The following FGF13 variants were observed in gnomAD, a reference collection of about 807,000 sequenced individuals.
FGF13 encodes the protein fibroblast growth factor 13.
FGF13 carries 2 observed loss-of-function variants against 19.5 expected under a neutral mutation model. That is an observed-to-expected ratio of 0.10 (90% CI 0.04 to 0.32). FGF13 has a LOEUF of 0.32. Ranked by LOEUF, FGF13 falls within the 10% of genes least tolerant of loss-of-function variation. FGF13 has a pLI of 1.00. For synonymous variants in FGF13, 72 were observed against 76.9 expected (o/e 0.94, Z 0.33); for missense variants, 113 against 192.7 (o/e 0.59, Z 2.45).
chrX:138,898,682 T>C (rs2124206200), intron 1 of FGF13, among the ~76,000 whole-genome samples: 1 of 111,666 alleles, frequency 9.0e-6, no homozygotes, highest in South Asian at 3.8e-4. Context: ...CCAAGTTTGT[T>C]GGGAAGGGGG....
At chrX:139,204,208 G>T, upstream of FGF13, 1 of 785,765 alleles carries the variant, frequency 1.3e-6, no homozygotes. Flanking sequence ...TCGACCACGA[G>T]CTCCCCTCGG....
chrX:138,991,462 C>T (rs2092015399), intron 1 of FGF13, among the ~76,000 whole-genome samples: 1 of 111,941 alleles, frequency 8.9e-6, no homozygotes, highest in Non-Finnish European at 1.9e-5. Context: ...AAGTCATTGC[C>T]CCTCTCTGGG....
intron 1 of FGF13, among the ~76,000 whole-genome samples, chrX:139,203,109 T>TC (rs2084429103): frequency 1.8e-5 from 2 of 111,360 alleles, no homozygotes; most frequent in South Asian, 7.5e-4. Context: ...CGGCAAAGGG[T>TC]GGGGGGGCGT....
At chrX:138,928,261 T>TTTAA (rs2091684061) in intron 1 of FGF13, among the ~76,000 whole-genome samples, 1 of 110,473 alleles carries the variant, frequency 9.1e-6, no homozygotes, top group Non-Finnish European at 1.9e-5. Flanking sequence ...GAGCAAATAT[T>TTTAA]TTAATTTATA....
chrX:139,010,764 T>TC (rs2092124746), intron 1 of FGF13, among the ~76,000 whole-genome samples: 1 of 105,874 alleles, frequency 9.4e-6, no homozygotes, highest in African/African-American at 3.5e-5. Flanking sequence ...ACAAGAACAA[T>TC]CCAAACCCAA....
In FGF13 at chrX:138,942,878, T is replaced by C. The variant is rs1433056332; in HGVS notation, c.-112-78228A>G. Among the ~76,000 whole-genome samples the C allele has an allele frequency of 3.6e-5, 4 of 111,701 alleles. No homozygotes were observed. The Admixed American group carries it at 3.8e-4, about 11-fold the overall frequency. ...TTTTGTTTGTTTGTTTGTTTTGCCA[T>C]TTAACACATAACTTCTCATCTTAGA... On this transcript the variant is annotated intron_variant, in intron 1 of 2. Transcript: ENST00000421460.
At chrX:138,996,344 C>T (rs764497270) in intron 1 of FGF13, among the ~76,000 whole-genome samples, 15 of 112,701 alleles carry the variant, frequency 1.3e-4, no homozygotes, top group East Asian at 5.7e-4. Flanking sequence ...GCTTTTCCCA[C>T]GGTCTTTGCA....
chrX:138,749,316 C>T (rs1231520418), intron 3 of FGF13, among the ~76,000 whole-genome samples: 1 of 85,525 alleles, frequency 1.2e-5, no homozygotes, highest in Admixed American at 1.4e-4. Flanking sequence ...GGGGGAGAGA[C>T]CAAAATACAC....
intron 1 of FGF13, among the ~76,000 whole-genome samples, chrX:138,727,367 C>A (rs755190285): frequency 1.8e-5 from 2 of 110,217 alleles, no homozygotes; most frequent in African/African-American, 3.3e-5. Context: ...ATCTGTAGAT[C>A]TCTTCAACAA....
chrX:139,204,018 C>T (rs895538919), upstream of FGF13: 1 of 1,195,231 alleles, frequency 8.4e-7, no homozygotes, highest in African/African-American at 1.7e-5. Context: ...GCGAGGGAAA[C>T]GAAGGAAAGG....
intron 1 of FGF13, among the ~76,000 whole-genome samples, chrX:139,008,772 G>A (rs2092115875): frequency 9.0e-6 from 1 of 111,608 alleles, no homozygotes; most frequent in African/African-American, 3.3e-5. Context: ...AACAATTCTG[G>A]TAATATGACA....
chrX:138,716,127 C>G (rs1045130014), upstream of FGF13: 10 of 112,340 alleles, frequency 8.9e-5, no homozygotes, highest in South Asian at 3.7e-4. Flanking sequence ...CACTCAGAAT[C>G]ACTTGCCAGT....
intron 1 of FGF13, among the ~76,000 whole-genome samples, chrX:139,161,967 A>C (rs2084038424): frequency 8.9e-6 from 1 of 112,292 alleles, no homozygotes; most frequent in Non-Finnish European, 1.9e-5. Context: ...AAATGGCCAT[A>C]CTGCCCATAG....
intron 1 of FGF13, among the ~76,000 whole-genome samples, chrX:138,967,570 G>A (rs1438328620): frequency 1.8e-5 from 2 of 110,886 alleles, no homozygotes; most frequent in Non-Finnish European, 3.8e-5. Context: ...AAGGGAAAGA[G>A]GCCTAAAGAA....
chrX:138,927,507 T>A (rs887223504), intron 1 of FGF13, among the ~76,000 whole-genome samples: 5 of 112,366 alleles, frequency 4.4e-5, no homozygotes, highest in Non-Finnish European at 7.5e-5. Context: ...CATTGTTCAC[T>A]GGCCCTTCGC....
At chrX:139,093,565 T>C (rs1451579035) in intron 1 of FGF13, among the ~76,000 whole-genome samples, 1 of 111,850 alleles carries the variant, frequency 8.9e-6, no homozygotes, top group African/African-American at 3.3e-5. Context: ...GATTTGGTCA[T>C]CTATTATTCT....
At position 139,033,027 on chromosome X, in the gene FGF13, C is replaced by CAAAAAA. The variant is rs758766077; in HGVS notation, c.-112-168383_-112-168378dup. Among the ~76,000 whole-genome samples, 60 of 27,267 alleles carry CAAAAAA rather than the reference C, an allele frequency of 2.2e-3. 2 individuals carry two copies. Among genetic ancestry groups the CAAAAAA allele is most frequent in the Admixed American group, 6.4e-3 (12 of 1,862 alleles). The allele number at this position is 27,267 out of a possible 115,157, so 23.7% of individuals were successfully genotyped here. A position where few individuals can be genotyped will look rare whatever the true frequency, so the allele number is the denominator to read the frequency against. On this transcript the variant is annotated intron_variant, in intron 1 of 2. Coordinates refer to the FGF13 transcript ENST00000421460. ...ACCAAAGTCAGAATATCTGATTATC[C>CAAAAAA]AAAAAAAAAAAAAAAAAAAAAAAAA...
intron 1 of FGF13, among the ~76,000 whole-genome samples, chrX:139,163,334 T>C (rs1603227748): frequency 9.1e-6 from 1 of 109,297 alleles, no homozygotes; most frequent in Admixed American, 9.8e-5. Context: ...TAAGTGGGAG[T>C]TGAACACTGA....
intron 3 of FGF13, chrX:138,807,213 T>A (rs2090876158): frequency 9.1e-6 from 1 of 110,394 alleles, no homozygotes; most frequent in Admixed American, 9.7e-5. Context: ...AAAAAAAAAA[T>A]GAATGATTAT....
Sources: gnomAD v4.1 joint callset for allele counts (sites outside exome capture counted in the v4.1 genomes callset) on GRCh38, gnomAD v4.1.1 for gene constraint, MANE v1.5 for transcripts, NCBI Gene and HGNC (gene_info 2026-07-23, HGNC 2026-07-21) for gene names.